The following FAM153A variants were observed in gnomAD, a reference collection of about 807,000 sequenced individuals.
FAM153A encodes family with sequence similarity 153 member A.
In FAM153A, 12 loss-of-function variants were observed where a neutral mutation model predicts 48.1. The observed-to-expected ratio is 0.25, with a 90% CI of 0.16 to 0.40. FAM153A has a LOEUF of 0.40. Among genes scored for constraint, FAM153A ranks in the 10% least tolerant of loss-of-function variants. The pLI is 1.00. For synonymous variants in FAM153A, 36 were observed against 118.2 expected, an observed-to-expected ratio of 0.30 and a Z score of 4.51; for missense variants, 111 against 345.8, an observed-to-expected ratio of 0.32 and a Z score of 5.38.
intron 1 of FAM153A, among the ~76,000 whole-genome samples, chr5:177,760,904 C>T (rs1025412785): frequency 4.8e-5 from 7 of 145,248 alleles, no homozygotes; most frequent in African/African-American, 1.8e-4. Flanking sequence ...ATAAAAAAAA[C>T]TAATACCCCC....
intron 1 of FAM153A, among the ~76,000 whole-genome samples, chr5:177,759,734 T>C (rs1482771329): frequency 1.3e-5 from 2 of 151,046 alleles, no homozygotes; most frequent in Admixed American, 6.6e-5. Flanking sequence ...AAATACCACA[T>C]GTTCTCACTC....
chr5:177,734,060 G>A (rs1010408356), intron 14 of FAM153A, among the ~76,000 whole-genome samples: 1 of 117,254 alleles, frequency 8.5e-6, no homozygotes, highest in Non-Finnish European at 1.9e-5. Flanking sequence ...TAGAAAATCC[G>A]GGGATATGTA....
chr5:177,715,846 A>AT (rs554130904), intron 25 of FAM153A, among the ~76,000 whole-genome samples: 31 of 150,842 alleles, frequency 2.1e-4, no homozygotes, highest in African/African-American at 5.4e-4. Flanking sequence ...TAATTTTTAA[A>AT]TTTTTTTTTG....
chr5:177,766,365 T>C (rs1323837753), intron 1 of FAM153A, among the ~76,000 whole-genome samples: 4 of 81,564 alleles, frequency 4.9e-5, no homozygotes, highest in Admixed American at 1.4e-4. Flanking sequence ...TAAAATTCTG[T>C]AATTCTATGT....
chr5:177,695,111 A>G, the FAM153A span, among the ~76,000 whole-genome samples: 5 of 136,414 alleles, frequency 3.7e-5, no homozygotes, highest in African/African-American at 1.5e-4. Context: ...TTTAGTAGAG[A>G]TGGGGTTTTA....
chr5:177,759,726 A>G (rs1582505914), intron 1 of FAM153A, among the ~76,000 whole-genome samples: 1 of 151,394 alleles, frequency 6.6e-6, no homozygotes, highest in East Asian at 1.9e-4. Context: ...AAAAAACCAA[A>G]TACCACATGT....
the FAM153A span, among the ~76,000 whole-genome samples, chr5:177,698,245 G>A: frequency 3.3e-5 from 5 of 151,826 alleles, no homozygotes; most frequent in Non-Finnish European, 7.3e-5. Context: ...AAAGGCTCTT[G>A]TGTGCTCTAA....
At chr5:177,709,116 AAAAAAAAAAAAAAAAAGAAAG>A, downstream of FAM153A, among the ~76,000 whole-genome samples, 1 of 143,720 alleles carries the variant, frequency 7.0e-6, no homozygotes, top group African/African-American at 2.7e-5. Context: ...AAAAAAAAAA[AAAAAAAAAAAAAAAAAGAAAG>A]AAAAGCCTAG....
chr5:177,726,082 CA>C (rs1762420220), intron 18 of FAM153A, among the ~76,000 whole-genome samples: 2 of 142,240 alleles, frequency 1.4e-5, no homozygotes, highest in African/African-American at 5.5e-5. Flanking sequence ...ACCCTTAGAG[CA>C]GGAGCAGACA....
At chr5:177,735,340 A>C (rs879570969) in intron 12 of FAM153A, among the ~76,000 whole-genome samples, 20 of 128,386 alleles carry the variant, frequency 1.6e-4, no homozygotes, top group Non-Finnish European at 3.2e-5. Context: ...AATTCTAGCC[A>C]AAAGATTTTA....
intron 2 of FAM153A, among the ~76,000 whole-genome samples, chr5:177,749,803 T>TA (rs1207510851): frequency 2.5e-4 from 32 of 129,938 alleles, no homozygotes; most frequent in African/African-American, 5.4e-4. Flanking sequence ...AGTAATAACT[T>TA]AAAAAAAAAA....
At chr5:177,743,654 A>C (rs1765677222) in intron 6 of FAM153A, among the ~76,000 whole-genome samples, 1 of 89,386 alleles carries the variant, frequency 1.1e-5, no homozygotes, top group Admixed American at 1.2e-4. Context: ...GCACAGGAAG[A>C]AGCCCTGCCC....
At chr5:177,754,009 C>T (rs1767391672), upstream of FAM153A, among the ~76,000 whole-genome samples, 1 of 151,932 alleles carries the variant, frequency 6.6e-6, no homozygotes, top group South Asian at 2.1e-4. Flanking sequence ...GGGTGCAGTG[C>T]ACCAAGTGTG....
intron 13 of FAM153A, 108 bp downstream of exon 15, chr5:177,734,755 T>C (rs1207963136): frequency 6.3e-7 from 1 of 1,597,082 alleles, no homozygotes; most frequent in Non-Finnish European, 8.6e-7. Flanking sequence ...TCAAGGACAC[T>C]GTGTAACTAA....
the FAM153A span, among the ~76,000 whole-genome samples, chr5:177,697,604 T>C: frequency 5.3e-5 from 8 of 151,854 alleles, no homozygotes; most frequent in African/African-American, 1.2e-4. Context: ...GTGGTTGTCA[T>C]TGGGCAGCAA....
downstream of FAM153A, among the ~76,000 whole-genome samples, chr5:177,706,092 C>CT (rs2127543467): frequency 1.3e-5 from 2 of 151,868 alleles, no homozygotes; most frequent in East Asian, 3.9e-4. Flanking sequence ...TGTCAAAAGA[C>CT]TTTTTTGTAG....
downstream of FAM153A, among the ~76,000 whole-genome samples, chr5:177,719,037 T>C (rs770810810): frequency 0.016 from 2,436 of 149,744 alleles, 42 homozygotes; most frequent in Non-Finnish European, 0.024. Flanking sequence ...TGCACCACCT[T>C]GCCTGGATAA....
At chr5:177,707,709 G>A (rs138982446), downstream of FAM153A, among the ~76,000 whole-genome samples, 5,643 of 151,516 alleles carry the variant, frequency 0.037, 452 homozygotes, top group African/African-American at 0.13. Flanking sequence ...ACAGTCATGC[G>A]CCACCACGCC....
chr5:177,738,221 C>T (rs1764996694), intron 10 of FAM153A, among the ~76,000 whole-genome samples: 1 of 151,320 alleles, frequency 6.6e-6, no homozygotes, highest in South Asian at 2.1e-4. Context: ...GGTGTGTGTG[C>T]TGAACTGCAG....
Sources: gnomAD v4.1 joint callset for allele counts (sites outside exome capture counted in the v4.1 genomes callset) on GRCh38, gnomAD v4.1.1 for gene constraint, MANE v1.5 for transcripts, NCBI Gene and HGNC (gene_info 2026-07-23, HGNC 2026-07-21) for gene names.